The following GLT6D1 variants were observed in gnomAD, a reference collection of about 807,000 sequenced individuals.
GLT6D1 encodes glycosyltransferase 6 domain containing 1, also known as putative glycosyltransferase 6 domain-containing protein 1.
GLT6D1 carries 9 observed loss-of-function variants against 12.3 expected under a neutral mutation model. That is an observed-to-expected ratio of 0.73 (90% CI 0.44 to 1.27). GLT6D1 has a LOEUF of 1.27. GLT6D1 is among the 50% of genes most tolerant of loss of function. The pLI is 0.00. For synonymous variants in GLT6D1, 128 were observed against 132.3 expected (o/e 0.97, Z 0.23); for missense variants, 335 against 346.2 (o/e 0.97, Z 0.26).
chr9:135,638,866 C>A (rs1285288629), intron 2 of GLT6D1, among the ~76,000 whole-genome samples: 1 of 151,870 alleles, frequency 6.6e-6, no homozygotes, highest in Non-Finnish European at 1.5e-5. Flanking sequence ...TAAGTCTCTA[C>A]AAAAAAAATT....
At chr9:135,632,558 G>A (rs945189460) in intron 2 of GLT6D1, among the ~76,000 whole-genome samples, 5 of 152,106 alleles carry the variant, frequency 3.3e-5, no homozygotes, top group African/African-American at 7.2e-5. Context: ...TTCTTTGACC[G>A]TGCTGGTCTT....
chr9:135,636,325 G>A (rs955400250), intron 2 of GLT6D1, among the ~76,000 whole-genome samples: 18 of 152,180 alleles, frequency 1.2e-4, no homozygotes, highest in African/African-American at 4.3e-4. Context: ...CTGCACTCCA[G>A]TCAGGGTGAC....
intron 3 of GLT6D1, among the ~76,000 whole-genome samples, chr9:135,628,295 TC>T (rs1365572408): frequency 1.3e-5 from 2 of 152,104 alleles, no homozygotes; most frequent in Non-Finnish European, 2.9e-5. Flanking sequence ...TTTTTAAGTG[TC>T]GAATTTTGTC....
intron 2 of GLT6D1, among the ~76,000 whole-genome samples, chr9:135,633,981 C>T (rs1469923443): frequency 6.6e-6 from 1 of 152,104 alleles, no homozygotes; most frequent in Non-Finnish European, 1.5e-5. Context: ...GGTCCCTGTC[C>T]CCTTTCTGCT....
intron 3 of GLT6D1, among the ~76,000 whole-genome samples, chr9:135,626,598 G>A (rs1410151737): frequency 6.6e-6 from 1 of 152,164 alleles, no homozygotes; most frequent in African/African-American, 2.4e-5. Context: ...CCAATCATTC[G>A]CTGAAGCCAG....
At chr9:135,631,511 GGAGCCTGTTCAATGTTTATT>G in intron 2 of GLT6D1, 33 bp from the exon 3 acceptor site, 2 of 1,532,990 alleles carry the variant, frequency 1.3e-6, no homozygotes, top group Non-Finnish European at 1.8e-6. Flanking sequence ...GTGATTGCAA[GGAGCCTGTTCAATGTTTATT>G]GAGCCTGTGA....
chr9:135,635,860 CT>C (rs1382297636), intron 2 of GLT6D1, among the ~76,000 whole-genome samples: 5 of 152,250 alleles, frequency 3.3e-5, no homozygotes, highest in African/African-American at 9.6e-5. Flanking sequence ...CTGTGGCCCC[CT>C]CTCTTGCTTA....
chr9:135,631,666 G>T (rs1200108331), intron 2 of GLT6D1, among the ~76,000 whole-genome samples, 188 bp from the exon 3 acceptor site: 1 of 152,140 alleles, frequency 6.6e-6, no homozygotes. Flanking sequence ...GGAAAGAGAT[G>T]TAGGGAAAGG....
chr9:135,638,918 G>C (rs1428050238), intron 2 of GLT6D1, among the ~76,000 whole-genome samples, 199 bp downstream of exon 2: 3 of 152,162 alleles, frequency 2.0e-5, no homozygotes, highest in Non-Finnish European at 2.9e-5. Context: ...TGTAGTCCCA[G>C]CTACTCAGGA....
At chr9:135,628,127 G>A (rs775788640) in intron 3 of GLT6D1, among the ~76,000 whole-genome samples, 2 of 152,032 alleles carry the variant, frequency 1.3e-5, no homozygotes, top group Non-Finnish European at 2.9e-5. Context: ...TTCCCATTCT[G>A]TGGGTTGTCT....
rs118113457 is a variant in GLT6D1, at chr9:135,635,614, T to C, written c.71+3503A>G. 2.4e-3 allele frequency among the ~76,000 whole-genome samples: 361 copies of C among 152,332 alleles called. 3 individuals are homozygous for C. Among genetic ancestry groups the C allele is most frequent in the East Asian group, 0.011 (55 of 5,192 alleles). ...AATGGTGCTAGAAACCACGATCTGC[T>C]GCTTTCCTGGAGAATGGTGCTAGAA... On this transcript the variant is annotated intron_variant, in intron 2 of 4. Coordinates refer to ENST00000371763, the MANE Select transcript of GLT6D1 (RefSeq NM_182974.3).
At chr9:135,630,285 A>G (rs1230385566) in intron 3 of GLT6D1, among the ~76,000 whole-genome samples, 1 of 151,938 alleles carries the variant, frequency 6.6e-6, no homozygotes, top group African/African-American at 2.4e-5. Context: ...AGGCGCCTGT[A>G]GTCCCAGCTA....
In GLT6D1 at chr9:135,624,205, G is replaced by T. The variant is rs757235036; in HGVS notation, c.723C>A (p.Asp241Glu). 1.1e-5 allele frequency: 18 copies of T among 1,611,658 alleles called. 2 individuals are homozygous for T. The Admixed American group carries it at 1.7e-4, about 15-fold the overall frequency. The change falls in exon 5 of 5, where the codon GAC (aspartate) becomes GAA (glutamate). Residue 241 changes from aspartate (D) to glutamate (E), a missense_variant. Physicochemically the swap from Asp to Glu is conservative, Grantham distance 45. Coordinates refer to ENST00000371763, the MANE Select transcript of GLT6D1 (RefSeq NM_182974.3). ...CTCCGTTCAGATATTCTTTGATGAAGTCTAAAATATTATGGGGTGTGCCAC... is the reference window on the plus strand; with the variant it reads ...CTCCGTTCAGATATTCTTTGATGAATTCTAAAATATTATGGGGTGTGCCAC... ...MVGGTPHNIL[D>E]FIKEYLNGVI... is the part of the protein sequence containing the mutation.
chr9:135,631,922 G>A (rs1049318552), intron 2 of GLT6D1, among the ~76,000 whole-genome samples: 4 of 152,028 alleles, frequency 2.6e-5, no homozygotes, highest in Non-Finnish European at 4.4e-5. Flanking sequence ...TAAGAGATGC[G>A]TTCTCACTTG....
At chr9:135,629,139 T>C (rs1833581733) in intron 3 of GLT6D1, among the ~76,000 whole-genome samples, 1 of 152,104 alleles carries the variant, frequency 6.6e-6, no homozygotes, top group Non-Finnish European at 1.5e-5. Context: ...AAATTTTCCT[T>C]AGTGTATAAA....
chr9:135,641,187 G>A (rs1396904382), upstream of GLT6D1, among the ~76,000 whole-genome samples: 4 of 152,130 alleles, frequency 2.6e-5, no homozygotes, highest in East Asian at 1.9e-4. Context: ...GGTCTGTGTC[G>A]TGTCACAAAC....
intron 2 of GLT6D1, among the ~76,000 whole-genome samples, chr9:135,637,833 G>A (rs978383325): frequency 2.6e-5 from 4 of 152,128 alleles, no homozygotes; most frequent in Non-Finnish European, 4.4e-5. Flanking sequence ...TCCCTTACCA[G>A]ATACATGTTG....
intron 2 of GLT6D1, among the ~76,000 whole-genome samples, chr9:135,637,045 T>A (rs1306432848): frequency 1.3e-5 from 2 of 151,844 alleles, no homozygotes; most frequent in African/African-American, 4.8e-5. Context: ...AGAGATGGGG[T>A]TTCTCCATGT....
chr9:135,631,173 T>C (rs1833636893), intron 3 of GLT6D1, among the ~76,000 whole-genome samples: 1 of 152,200 alleles, frequency 6.6e-6, no homozygotes, highest in African/African-American at 2.4e-5. Flanking sequence ...TTCAAGCTGG[T>C]TCCGAAGAGA....
Sources: gnomAD v4.1 joint callset for allele counts (sites outside exome capture counted in the v4.1 genomes callset) on GRCh38, gnomAD v4.1.1 for gene constraint, MANE v1.5 for transcripts, NCBI Gene and HGNC (gene_info 2026-07-23, HGNC 2026-07-21) for gene names.